Variants in TFIP11 observed in about 807,000 individuals in gnomAD.
The protein encoded by TFIP11 is tuftelin interacting protein 11.
In TFIP11, 86 loss-of-function variants were observed where a neutral mutation model predicts 96.8. The ratio of observed to expected loss-of-function variants is 0.89; its 90% CI spans 0.75 to 1.06. The LOEUF (loss-of-function observed/expected upper bound fraction) is 1.06, where lower values mean the gene tolerates loss of function less well. TFIP11 is among the 50% of genes least tolerant of loss of function. The probability of loss-of-function intolerance (pLI) is 0.00; values close to 1 mark genes in which losing one functional copy is unlikely to be tolerated. For synonymous variants in TFIP11, 405 were observed against 395.2 expected, an observed-to-expected ratio of 1.02 and a Z score of -0.29; for missense variants, 881 against 1,076.7, an observed-to-expected ratio of 0.82 and a Z score of 2.54.
intron 13 of TFIP11, 182 bp downstream of exon 13, chr22:26,494,615 T>C (rs1921685556): frequency 1.1e-6 from 1 of 909,450 alleles, no homozygotes; most frequent in Non-Finnish European, 1.6e-6. Context: ...TTGGAACAGC[T>C]TCTGATACAT....
chr22:26,510,322 G>C (rs777673376), intron 3 of TFIP11, 41 bp from the exon 4 acceptor site: 16 of 1,584,188 alleles, frequency 1.0e-5, no homozygotes, highest in Non-Finnish European at 1.3e-5. Flanking sequence ...GTAAGTCCTG[G>C]GGGCAGCAGT....
chr22:26,491,287 A>G lies in TFIP11; in HGVS notation c.*726T>C. 1 of 711,140 alleles carries G rather than the reference A, an allele frequency of 1.4e-6. No individual in the cohort carries two copies. The highest frequency in any genetic ancestry group is 2.4e-6 in the Non-Finnish European group (1 of 425,158). 44.1% of individuals were successfully genotyped at this position (711,140 alleles called of 1,614,324 possible). The stretch of plus-strand genomic sequence containing the variant: ...TATTCTTAGTATCACAGTCCATGAT[A>G]TCCACTGTCCTTGGGGCGCCCAATT... On this transcript the variant is annotated 3_prime_UTR_variant, in exon 15 of 15. Transcript: ENST00000407690.
rs1194849259 is a variant in TFIP11 at position 26,506,876 on chromosome 22, C to T, written c.262G>A (p.Gly88Arg). 8 of 1,614,106 alleles carry T rather than the reference C, an allele frequency of 5.0e-6. No individual in the cohort carries two copies. The African/African-American group carries it at 6.7e-5, about 13-fold the overall frequency. The change falls in exon 5 of 15, where the codon GGG becomes AGG. Residue 88 changes from glycine (G) to arginine (R), a missense_variant. By Grantham distance (125) the Gly-to-Arg change is moderately radical. Coordinates refer to ENST00000407690, the MANE Select transcript of TFIP11 (RefSeq NM_012143.4). The part of the protein sequence containing the change: ...VNFISAGLKK[G>R]AAEEAELEDS... ...TCCAACTCTGCCTCCTCCGCTGCCC[C>T]TTTCTTGAGCCCTGCGCTGATGAAG...
chr22:26,503,403 C>T (rs945169231), intron 7 of TFIP11, among the ~76,000 whole-genome samples: 2 of 152,170 alleles, frequency 1.3e-5, no homozygotes, highest in Non-Finnish European at 2.9e-5. Context: ...TCAACACCAC[C>T]TCCCAACCCC....
chr22:26,509,742 C>G (rs134140), intron 4 of TFIP11, among the ~76,000 whole-genome samples: 99,654 of 151,918 alleles, frequency 0.66, 32,977 homozygotes, highest in African/African-American at 0.73. Flanking sequence ...TGTAATCCCA[C>G]CTACTCGGGA....
intron 4 of TFIP11, among the ~76,000 whole-genome samples, chr22:26,507,165 C>A (rs1192002740): frequency 6.6e-6 from 1 of 152,160 alleles, no homozygotes; most frequent in Non-Finnish European, 1.5e-5. Context: ...AGAGTTATCA[C>A]ATCAATGTAG....
At chr22:26,498,837 G>C in intron 10 of TFIP11, 32 bp downstream of exon 10, 1 of 1,562,996 alleles carries the variant, frequency 6.4e-7, no homozygotes, top group Non-Finnish European at 8.8e-7. Context: ...GGAGAAAGGA[G>C]CTGGGGTACA....
At chr22:26,503,471 T>C (rs1923033453) in intron 7 of TFIP11, among the ~76,000 whole-genome samples, 195 bp downstream of exon 7, 2 of 152,194 alleles carry the variant, frequency 1.3e-5, no homozygotes, top group African/African-American at 4.8e-5. Flanking sequence ...AACTGCCACT[T>C]CCACACCACA....
chr22:26,501,780 G>A lies in TFIP11; in HGVS notation c.801+120C>T, dbSNP rs1344736965. ...TCCTATAAATAAGTGAGAAAAGCAAGGTACCAAAAAAAAAAAAAAAAAAAA... is the reference window on the plus strand; with the variant it reads ...TCCTATAAATAAGTGAGAAAAGCAAAGTACCAAAAAAAAAAAAAAAAAAAA... On this transcript the variant is annotated intron_variant, in intron 8 of 14. Transcript: ENST00000407690. 4.4e-6 allele frequency: 3 copies of A among 677,990 alleles called. No homozygotes were observed. The African/African-American group carries it at 6.6e-5, about 15-fold the overall frequency. The allele number at this position is 677,990 out of a possible 1,614,324, so 42.0% of individuals were successfully genotyped here. A position where few individuals can be genotyped will look rare whatever the true frequency, so the allele number is the denominator to read the frequency against.
At chr22:26,506,546 TAA>T in intron 5 of TFIP11, 87 bp from the exon 6 acceptor site, 1 of 1,492,160 alleles carries the variant, frequency 6.7e-7, no homozygotes, top group Non-Finnish European at 9.0e-7. Flanking sequence ...GAAAATGGCC[TAA>T]GTTATACAGC....
chr22:26,494,721 G>A, intron 13 of TFIP11, 76 bp downstream of exon 13: 1 of 1,588,664 alleles, frequency 6.3e-7, no homozygotes, highest in South Asian at 1.1e-5. Context: ...TGTACCTACA[G>A]TCAGGCCTTG....
Position 26,499,455 on chromosome 22 carries a change from CA to C in TFIP11, c.977del (p.Leu326ArgfsTer34). The C allele has an allele frequency of 1.2e-6, 2 of 1,614,192 alleles. No homozygotes were observed. Among genetic ancestry groups the C allele is most frequent in the Non-Finnish European group, 1.7e-6 (2 of 1,180,050 alleles). ...ALPELEHNLQLLIDLTEQEII... is the reference protein window; with the variant it reads ...ALPELEHNLQXLIDLTEQEII... ...TCTCCTGCTCCGTGAGGTCGATGAG[CA>C]GCTGCAGGTTGTGCTCCAGCTCGGG... On this transcript the variant is annotated frameshift_variant, in exon 9 of 15. Coordinates refer to ENST00000407690, the MANE Select transcript of TFIP11 (RefSeq NM_012143.4). LOFTEE classifies it high-confidence loss of function.
At chr22:26,502,194 A>G in intron 7 of TFIP11, 142 bp from the exon 8 acceptor site, 2 of 957,682 alleles carry the variant, frequency 2.1e-6, no homozygotes, top group Non-Finnish European at 3.1e-6. Context: ...GAAAGGATGC[A>G]CCTGCAAGAC....
intron 10 of TFIP11, 116 bp downstream of exon 10, chr22:26,498,753 A>T: frequency 1.3e-6 from 1 of 767,560 alleles, no homozygotes; most frequent in Non-Finnish European, 2.2e-6. Flanking sequence ...AAGCACTGTC[A>T]GCATGAGCAG....
At chr22:26,506,267 C>G in intron 6 of TFIP11, 36 bp downstream of exon 6, 1 of 1,550,052 alleles carries the variant, frequency 6.5e-7, no homozygotes, top group Non-Finnish European at 8.7e-7. Context: ...CTATGCCTGC[C>G]CTCCTCCATC....
At chr22:26,498,780 A>G (rs1431592360) in intron 10 of TFIP11, 89 bp downstream of exon 10, 5 of 976,952 alleles carry the variant, frequency 5.1e-6, no homozygotes, top group Middle Eastern at 3.0e-4. Flanking sequence ...AATCAAGGCC[A>G]GCACTGCTGC....
Position 26,494,289 on chromosome 22 carries a change from G to T in TFIP11, c.2008C>A (p.Leu670Ile). The part of the protein sequence containing the change: ...PKWLQVLCSW[L>I]SNSPNYEEIT... Reference sequence around the variant, plus strand: ...TCCTCATAATTTGGGCTGTTACTGAGCCAAGAGCACAGCACCTGCCAAAAA... The same window carrying T: ...TCCTCATAATTTGGGCTGTTACTGATCCAAGAGCACAGCACCTGCCAAAAA... Residue 670 changes from leucine to isoleucine, a missense_variant, in exon 14 of 15, where the codon CTC becomes ATC. By Grantham distance (5) the Leu-to-Ile change is conservative. Transcript: ENST00000407690. 6.2e-7 allele frequency: 1 copy of T among 1,614,236 alleles called. No homozygotes were observed. The highest frequency in any genetic ancestry group is 1.1e-5 in the South Asian group (1 of 91,084).
chr22:26,494,332 C>T (rs372424588), intron 13 of TFIP11, 28 bp from the exon 14 acceptor site: 1 of 1,614,094 alleles, frequency 6.2e-7, no homozygotes, highest in Non-Finnish European at 8.5e-7. Context: ...TACTTGCATC[C>T]ATCGTGGCAA....
chr22:26,501,836 G>C, intron 8 of TFIP11, 64 bp downstream of exon 8: 5 of 851,728 alleles, frequency 5.9e-6, no homozygotes, highest in South Asian at 5.0e-5. Flanking sequence ...AAAAACCCTC[G>C]AACATGTTCA....
Sources: allele counts gnomAD v4.1 joint callset (sites outside exome capture counted in the v4.1 genomes callset), GRCh38; gene constraint gnomAD v4.1.1; transcripts MANE v1.5; gene names NCBI Gene and HGNC (gene_info 2026-07-23, HGNC 2026-07-21).